DOCK8: variants seen among roughly 807,000 people sequenced by gnomAD.
The protein encoded by DOCK8 is dedicator of cytokinesis protein 8.
A neutral mutation model predicts 245.6 loss-of-function variants in DOCK8; 141 were observed. That is an observed-to-expected ratio of 0.57 (90% CI 0.50 to 0.66). The LOEUF is 0.66. Among genes scored for constraint, DOCK8 ranks in the 30% least tolerant of loss-of-function variants. DOCK8 has a pLI of 0.00. For synonymous variants in DOCK8, 1,168 were observed against 970.2 expected, an observed-to-expected ratio of 1.20 and a Z score of -3.79; for missense variants, 2,965 against 2,603.4, an observed-to-expected ratio of 1.14 and a Z score of -3.02.
intron 28 of DOCK8, among the ~76,000 whole-genome samples, chr9:409,823 G>T (rs1041505950): frequency 1.3e-5 from 2 of 150,082 alleles, no homozygotes; most frequent in Non-Finnish European, 3.0e-5. Context: ...GCGATAGTTT[G>T]CTGAGAATGA....
At chr9:318,712 G>C (rs981713490) in intron 7 of DOCK8, among the ~76,000 whole-genome samples, 6 of 152,214 alleles carry the variant, frequency 3.9e-5, no homozygotes, top group African/African-American at 1.2e-4. Flanking sequence ...AACCAACCTG[G>C]CAGTGGGAGC....
chr9:286,210 G>A (rs1037131433), intron 2 of DOCK8, among the ~76,000 whole-genome samples: 3 of 152,234 alleles, frequency 2.0e-5, no homozygotes, highest in Admixed American at 6.5e-5. Flanking sequence ...TTGCAATTAA[G>A]GAGAGAAAAA....
At chr9:312,245 T>C in intron 6 of DOCK8, 79 bp downstream of exon 6, 2 of 1,511,812 alleles carry the variant, frequency 1.3e-6, no homozygotes, top group Admixed American at 1.9e-5. Context: ...TGTTCATTAT[T>C]ACTATATAGC....
Position 312,111 on chromosome 9 carries a change from C to T in DOCK8, c.686C>T (p.Ala229Val). ...GACTTTGAGAAGCAGAACGAGGAGGCCCGGAGGACCAATAGGCAGGCCGAG... is the reference window on the plus strand; with the variant it reads ...GACTTTGAGAAGCAGAACGAGGAGGTCCGGAGGACCAATAGGCAGGCCGAG... ...AEDFEKQNEE[A>V]RRTNRQAELF... The change falls in exon 6 of 48, where the codon GCC (alanine) becomes GTC (valine). Residue 229 changes from alanine (A) to valine (V), a missense_variant. By Grantham distance (64) the Ala-to-Val change is moderately conservative. Transcript: ENST00000432829. 1.9e-6 allele frequency: 3 copies of T among 1,614,216 alleles called. No individual in the cohort carries two copies. The highest frequency in any genetic ancestry group is 8.5e-7 in the Non-Finnish European group (1 of 1,180,038).
intron 1 of DOCK8, among the ~76,000 whole-genome samples, chr9:254,399 G>A (rs950288564): frequency 5.9e-5 from 9 of 152,124 alleles, no homozygotes; most frequent in Non-Finnish European, 1.3e-4. Flanking sequence ...CTTCTGAAGC[G>A]TACCCTATAA....
At chr9:399,402 C>G (rs143152887) in intron 26 of DOCK8, 143 bp downstream of exon 26, 14 of 708,300 alleles carry the variant, frequency 2.0e-5, no homozygotes, top group Middle Eastern at 7.2e-4. Context: ...CAGCACGTCC[C>G]TCATGTCTGT....
chr9:294,572 G>A (rs146075753), intron 4 of DOCK8, among the ~76,000 whole-genome samples: 1 of 152,264 alleles, frequency 6.6e-6, no homozygotes, highest in African/African-American at 2.4e-5. Flanking sequence ...TAAAATCCCA[G>A]TTAAATATGC....
intron 1 of DOCK8, among the ~76,000 whole-genome samples, chr9:249,705 C>T (rs2047602494): frequency 6.6e-6 from 1 of 152,176 alleles, no homozygotes; most frequent in Non-Finnish European, 1.5e-5. Flanking sequence ...GCAACCTCTG[C>T]CTCCCAGGTT....
In DOCK8 at chr9:355,209, T is replaced by TC. The variant is rs1563957126; in HGVS notation, c.1680-12809_1680-12808insC. On this transcript the variant is annotated intron_variant, in intron 14 of 47. Transcript: ENST00000432829. ...TTTCTTTTCTTTTTTTTTTTTTTTT[T>TC]TTTTTTTTTTTTTGAGACAGAGTCT... 2.2e-4 allele frequency among the ~76,000 whole-genome samples: 31 copies of TC among 141,958 alleles called. 1 individual carries two copies. The highest frequency in any genetic ancestry group is 5.9e-4 in the African/African-American group (23 of 38,876). 93.1% of individuals were successfully genotyped at this position (141,958 alleles called of 152,430 possible).
In DOCK8 at chr9:223,418, G is replaced by A. The variant is rs1481296254; in HGVS notation, c.53+8389G>A. On this transcript the variant is annotated intron_variant, in intron 1 of 47. Coordinates refer to ENST00000432829, the MANE Select transcript of DOCK8 (RefSeq NM_203447.4). Reference sequence around the variant, plus strand: ...CATGGGCCTGCCTGCAAGGAGTGAGGAGATTTACTCAAAATTGAGAGCTGG... The same window carrying A: ...CATGGGCCTGCCTGCAAGGAGTGAGAAGATTTACTCAAAATTGAGAGCTGG... Among the ~76,000 whole-genome samples the A allele has an allele frequency of 2.6e-5, 4 of 152,070 alleles. No individual in the cohort carries two copies. The East Asian group carries it at 5.8e-4, about 22-fold the overall frequency.
intron 29 of DOCK8, among the ~76,000 whole-genome samples, chr9:416,268 T>G (rs539869763): frequency 1.3e-5 from 2 of 152,346 alleles, no homozygotes; most frequent in East Asian, 3.9e-4. Flanking sequence ...TTTTAACATT[T>G]ACAGACATAA....
intron 26 of DOCK8, among the ~76,000 whole-genome samples, chr9:400,021 ACCT>A (rs1197503274): frequency 2.1e-4 from 23 of 111,332 alleles, no homozygotes; most frequent in Non-Finnish European, 1.8e-4. Flanking sequence ...CATCACCACC[ACCT>A]CCACCATCAC....
intron 26 of DOCK8, among the ~76,000 whole-genome samples, chr9:400,956 C>CCTCCACCAT (rs1307183200): frequency 9.2e-6 from 1 of 108,680 alleles, no homozygotes; most frequent in Non-Finnish European, 2.1e-5. Flanking sequence ...ATCACCACCA[C>CCTCCACCAT]CACCACCACC....
rs368933636 is a variant in DOCK8, at chr9:430,014, T to A, written c.4626+160T>A. On this transcript the variant is annotated intron_variant, in intron 36 of 47. Coordinates refer to ENST00000432829, the MANE Select transcript of DOCK8 (RefSeq NM_203447.4). ...TATGTAGATAGATAGCAGCTTCCAT[T>A]TTAATTTGCATCTAAAAGTGAATTC... is the stretch of plus-strand genomic sequence containing the variant. Among the ~76,000 whole-genome samples, 127 of 152,362 alleles carry A rather than the reference T, an allele frequency of 8.3e-4. 2 individuals carry two copies. The South Asian group carries it at 0.026, about 31-fold the overall frequency.
At chr9:319,066 G>A (rs1470722589) in intron 7 of DOCK8, among the ~76,000 whole-genome samples, 1 of 152,232 alleles carries the variant, frequency 6.6e-6, no homozygotes, top group East Asian at 1.9e-4. Flanking sequence ...GGAGGCCAAA[G>A]TGGGAGGATC....
chr9:240,455 T>A (rs2047351698), intron 1 of DOCK8, among the ~76,000 whole-genome samples: 1 of 152,064 alleles, frequency 6.6e-6, no homozygotes, highest in Non-Finnish European at 1.5e-5. Context: ...ACTACCAATA[T>A]TTCCAGCTAT....
At chr9:451,968 T>C (rs1203549940) in intron 45 of DOCK8, 43 bp from the exon 46 acceptor site, 10 of 397,522 alleles carry the variant, frequency 2.5e-5, no homozygotes, top group African/African-American at 2.5e-4. Context: ...TATATATATA[T>C]ATATATATAT....
intron 7 of DOCK8, among the ~76,000 whole-genome samples, chr9:323,315 C>T (rs1404108778): frequency 6.7e-6 from 1 of 148,794 alleles, no homozygotes; most frequent in African/African-American, 2.5e-5. Flanking sequence ...CTTCTGCCTC[C>T]CAGGTTCAAG....
intron 29 of DOCK8, 152 bp downstream of exon 29, chr9:415,103 C>G (rs566907075): frequency 9.1e-7 from 1 of 1,095,216 alleles, no homozygotes; most frequent in African/African-American, 1.6e-5. Flanking sequence ...AACACTGGCC[C>G]CAATCAGTTA....
Sources: gnomAD v4.1 joint callset for allele counts (sites outside exome capture counted in the v4.1 genomes callset) on GRCh38, gnomAD v4.1.1 for gene constraint, MANE v1.5 for transcripts, NCBI Gene and HGNC (gene_info 2026-07-23, HGNC 2026-07-21) for gene names.